FOXJ3: variants seen among roughly 807,000 people sequenced by gnomAD.
FOXJ3 encodes the protein forkhead box J3.
FOXJ3 carries 22 observed loss-of-function variants against 76.1 expected under a neutral mutation model. That is an observed-to-expected ratio of 0.29 (90% CI 0.21 to 0.41). FOXJ3 has a LOEUF of 0.41. FOXJ3 is among the 10% of genes least tolerant of loss of function. The pLI is 1.00. For missense variants in FOXJ3, 613 were observed against 762.1 expected, an observed-to-expected ratio of 0.80 and a Z score of 2.30; for synonymous variants, 269 against 261.2, an observed-to-expected ratio of 1.03 and a Z score of -0.29.
intron 3 of FOXJ3, among the ~76,000 whole-genome samples, chr1:42,271,307 A>C (rs1055913741): frequency 1.4e-5 from 2 of 148,088 alleles, no homozygotes; most frequent in East Asian, 4.0e-4. Flanking sequence ...ATCCCTTTTC[A>C]TTTTTTTTTT....
At chr1:42,238,055 C>CG (rs1171296758) in intron 4 of FOXJ3, among the ~76,000 whole-genome samples, 1 of 151,772 alleles carries the variant, frequency 6.6e-6, no homozygotes, top group Admixed American at 6.6e-5. Context: ...CTTTTTGAGA[C>CG]GGGAGTCTCA....
chr1:42,269,293 A>C (rs926952752), intron 3 of FOXJ3, among the ~76,000 whole-genome samples: 2 of 152,234 alleles, frequency 1.3e-5, no homozygotes, highest in African/African-American at 4.8e-5. Context: ...CCAGCTTAAA[A>C]GTTCAAGATG....
intron 2 of FOXJ3, among the ~76,000 whole-genome samples, chr1:42,284,422 T>C (rs1328635762): frequency 6.6e-6 from 1 of 152,114 alleles, no homozygotes; most frequent in Non-Finnish European, 1.5e-5. Context: ...TAAAGTGAAG[T>C]CCTAAAAGAG....
rs762672342 is a variant in FOXJ3, at chr1:42,195,108, T to C, written c.760-44A>G. On this transcript the variant is annotated intron_variant, in intron 7 of 12. Transcript: ENST00000361346. ...ACAACTAATTCAGCCTCTCTACTAATTACAATTGGCTTGTTATATAAAATA... is the reference window on the plus strand; with the variant it reads ...ACAACTAATTCAGCCTCTCTACTAACTACAATTGGCTTGTTATATAAAATA... 3.6e-5 allele frequency: 51 copies of C among 1,416,074 alleles called. No homozygotes were observed. The South Asian group carries it at 4.2e-4, about 12-fold the overall frequency. The allele number at this position is 1,416,074 out of a possible 1,614,324, so 87.7% of individuals were successfully genotyped here. A position where few individuals can be genotyped will look rare whatever the true frequency, so the allele number is the denominator to read the frequency against.
At chr1:42,265,871 C>T (rs952806042) in intron 3 of FOXJ3, among the ~76,000 whole-genome samples, 1 of 152,132 alleles carries the variant, frequency 6.6e-6, no homozygotes, top group African/African-American at 2.4e-5. Flanking sequence ...GAAGAACACC[C>T]AAGGTGGGTA....
intron 3 of FOXJ3, among the ~76,000 whole-genome samples, chr1:42,277,976 C>CAAAAA (rs755384247): frequency 1.9e-5 from 1 of 51,576 alleles, no homozygotes; most frequent in Non-Finnish European, 4.6e-5. Context: ...GACTCCATCT[C>CAAAAA]AAAAAAAAAA....
intron 1 of FOXJ3, among the ~76,000 whole-genome samples, chr1:42,333,210 T>C (rs547933449): frequency 6.6e-6 from 1 of 151,932 alleles, no homozygotes; most frequent in Admixed American, 6.5e-5. Context: ...TCATTCTACA[T>C]AGAAGGAAAG....
At chr1:42,242,244 T>C (rs1246729879) in intron 4 of FOXJ3, among the ~76,000 whole-genome samples, 2 of 150,932 alleles carry the variant, frequency 1.3e-5, no homozygotes, top group Non-Finnish European at 3.0e-5. Context: ...ACAGTAATTC[T>C]CCAACAATAG....
At chr1:42,247,074 C>A (rs1482312433) in intron 4 of FOXJ3, among the ~76,000 whole-genome samples, 1 of 152,112 alleles carries the variant, frequency 6.6e-6, no homozygotes, top group African/African-American at 2.4e-5. Flanking sequence ...TATAAACACA[C>A]AGATAGAAGA....
Position 42,328,942 on chromosome 1 carries a change from C to T in FOXJ3, c.-18+6117G>A, listed in dbSNP as rs902862267. On this transcript the variant is annotated intron_variant, in intron 1 of 12. Transcript: ENST00000361346. ...TCGGCCTCCCAAGATGCTAGGTTTA[C>T]AGGCGTGAGCCACCACACCAGGTCA... Among the ~76,000 whole-genome samples the T allele has an allele frequency of 1.1e-4, 17 of 152,302 alleles. No homozygotes were observed. The South Asian group carries it at 3.5e-3, about 32-fold the overall frequency.
At chr1:42,327,336 G>GT (rs1185806518) in intron 1 of FOXJ3, among the ~76,000 whole-genome samples, 7 of 152,120 alleles carry the variant, frequency 4.6e-5, no homozygotes, top group Non-Finnish European at 7.4e-5. Flanking sequence ...ACCTCCTGCC[G>GT]TAACAGTCTG....
chr1:42,187,036 C>A (rs561065401), intron 11 of FOXJ3, among the ~76,000 whole-genome samples: 1 of 152,064 alleles, frequency 6.6e-6, no homozygotes, highest in Admixed American at 6.5e-5. Flanking sequence ...TTAGTAGAGA[C>A]GGGGTTTCGC....
chr1:42,181,778 C>G, intron 12 of FOXJ3, 139 bp downstream of exon 12: 1 of 561,030 alleles, frequency 1.8e-6, no homozygotes, highest in Non-Finnish European at 3.1e-6. Context: ...GACACACACA[C>G]ATGCTTCTCA....
In FOXJ3 at chr1:42,265,180, G is replaced by T. The variant is rs1369292649; in HGVS notation, c.379C>A (p.Arg127=). The T allele has an allele frequency of 1.3e-6, 2 of 1,572,578 alleles. No individual in the cohort carries two copies. Among genetic ancestry groups the T allele is most frequent in the Non-Finnish European group, 1.7e-6 (2 of 1,153,994 alleles). ...CATTTGTTCAATGACAGATTATGTC[G>T]TATGGAATTCTGGAATTAAAGAAGA... is the stretch of plus-strand genomic sequence containing the variant. ...EAGSGWKNSI[R]HNLSLNKCFL... Residue 127 remains arginine (R), a synonymous_variant, in exon 4 of 13, where the codon CGA becomes AGA. Coordinates refer to ENST00000361346, the MANE Select transcript of FOXJ3 (RefSeq NM_014947.5).
chr1:42,307,162 A>G (rs571011925), intron 2 of FOXJ3, among the ~76,000 whole-genome samples: 1 of 152,350 alleles, frequency 6.6e-6, no homozygotes, highest in Admixed American at 6.5e-5. Flanking sequence ...TCAGCCCTAT[A>G]GCAGCAGGTC....
chr1:42,309,010 A>AAAAAAAAAAAAAAAAATGC (rs1553169015), intron 2 of FOXJ3, among the ~76,000 whole-genome samples: 1 of 151,678 alleles, frequency 6.6e-6, no homozygotes, highest in African/African-American at 2.4e-5. Flanking sequence ...ACAAAAAAAA[A>AAAAAAAAAAAAAAAAATGC]AAAAAAAATG....
At chr1:42,201,274 T>C (rs949617366) in intron 6 of FOXJ3, among the ~76,000 whole-genome samples, 1 of 152,248 alleles carries the variant, frequency 6.6e-6, no homozygotes, top group Non-Finnish European at 1.5e-5. Flanking sequence ...TCCAACACGA[T>C]GTCAAATAAA....
At position 42,179,145 on chromosome 1, in the gene FOXJ3, T is replaced by C. The variant is rs892318446; in HGVS notation, c.*565A>G. 1 of 152,576 alleles carries C rather than the reference T, an allele frequency of 6.6e-6. No homozygotes were observed. The highest frequency in any genetic ancestry group is 6.5e-5 in the Admixed American group (1 of 15,292). The allele number at this position is 152,576 out of a possible 1,614,324, so 9.5% of individuals were successfully genotyped here. ...ATTCTGGTTTCCTTGACTTATTAGA[T>C]AGAATTCATTACCCACATTTCTAAA... On this transcript the variant is annotated 3_prime_UTR_variant, in exon 13 of 13. Coordinates refer to ENST00000361346, the MANE Select transcript of FOXJ3 (RefSeq NM_014947.5).
In FOXJ3 at chr1:42,189,310, C is replaced by T. The variant is rs771814332; in HGVS notation, c.1446G>A (p.Gln482=). 2 of 1,606,696 alleles carry T rather than the reference C, an allele frequency of 1.2e-6. No individual in the cohort carries two copies. The highest frequency in any genetic ancestry group is 2.2e-5 in the East Asian group (1 of 44,840). Residue 482 remains glutamine, a synonymous_variant, in exon 10 of 13, where the codon CAG becomes CAA. Coordinates refer to ENST00000361346, the MANE Select transcript of FOXJ3 (RefSeq NM_014947.5). ...AAAAGAACCAACACTCACCTTGAAA[C>T]TGTGAAAGGTCTACATCTGACCAAT... is the stretch of plus-strand genomic sequence containing the variant. The part of the protein sequence containing the change: ...SVNWSDVDLS[Q]FQGLMESMRQ...
Sources: allele counts gnomAD v4.1 joint callset (sites outside exome capture counted in the v4.1 genomes callset), GRCh38; gene constraint gnomAD v4.1.1; transcripts MANE v1.5; gene names NCBI Gene and HGNC (gene_info 2026-07-23, HGNC 2026-07-21).